Variants in SERPINI1 observed in about 807,000 individuals in gnomAD.
The protein encoded by SERPINI1 is neuroserpin.
A neutral mutation model predicts 41.1 loss-of-function variants in SERPINI1; 19 were observed. That is an observed-to-expected ratio of 0.46 (90% CI 0.32 to 0.68). SERPINI1 has a LOEUF of 0.68. Ranked by LOEUF, SERPINI1 falls within the 30% of genes least tolerant of loss-of-function variation. The pLI is 0.03. For missense variants in SERPINI1, 460 were observed against 479.2 expected (o/e 0.96, Z 0.37); for synonymous variants, 138 against 156.6 (o/e 0.88, Z 0.89).
intron 1 of SERPINI1, among the ~76,000 whole-genome samples, chr3:167,743,254 T>C (rs1032382): frequency 0.53 from 80,224 of 151,774 alleles, 22,917 homozygotes; most frequent in African/African-American, 0.74. Context: ...CCCTAGAAAA[T>C]GGTGTTATTA....
intron 1 of SERPINI1, among the ~76,000 whole-genome samples, chr3:167,737,075 T>A (rs1355399295): frequency 6.6e-6 from 1 of 152,146 alleles, no homozygotes; most frequent in Non-Finnish European, 1.5e-5. Context: ...TTTCTATGCT[T>A]TCCTGAGTTC....
Position 167,807,233 on chromosome 3 carries a change from G to A in SERPINI1, c.882-11G>A. The A allele has an allele frequency of 6.4e-7, 1 of 1,569,014 alleles. No individual in the cohort carries two copies. The highest frequency in any genetic ancestry group is 1.1e-5 in the South Asian group (1 of 90,106). Reference sequence around the variant, plus strand: ...TCTAACTAAATATTTTTCTCCCTATGTGTTCTCCAGGTTCACAGTGGAACA... The same window carrying A: ...TCTAACTAAATATTTTTCTCCCTATATGTTCTCCAGGTTCACAGTGGAACA... On this transcript the variant is annotated splice_polypyrimidine_tract_variant and intron_variant, in intron 5 of 8. Transcript: ENST00000446050.
intron 1 of SERPINI1, among the ~76,000 whole-genome samples, chr3:167,772,864 C>CTCTCTCTCTCTCTCTA (rs1374013676): frequency 1.1e-3 from 26 of 24,640 alleles, no homozygotes; most frequent in African/African-American, 1.5e-3. Context: ...CTCTCTCTCT[C>CTCTCTCTCTCTCTCTA]TATATATATA....
chr3:167,815,982 A>G (rs1040009604), intron 6 of SERPINI1, among the ~76,000 whole-genome samples: 7 of 152,026 alleles, frequency 4.6e-5, no homozygotes, highest in Admixed American at 4.6e-4. Flanking sequence ...GCTGTTGTCA[A>G]TTTTCTTGGA....
At chr3:167,803,353 G>A (rs575903105) in intron 5 of SERPINI1, among the ~76,000 whole-genome samples, 15 of 151,878 alleles carry the variant, frequency 9.9e-5, no homozygotes, top group African/African-American at 2.7e-4. Context: ...AGGTGGCAGG[G>A]ATTAATATAG....
chr3:167,786,525 AAAGACTTAAAG>A (rs1727318524), intron 1 of SERPINI1, among the ~76,000 whole-genome samples: 1 of 151,392 alleles, frequency 6.6e-6, no homozygotes, highest in Non-Finnish European at 1.5e-5. Flanking sequence ...AAAAAAAAAA[AAAGACTTAAAG>A]AAGATAAAAT....
At position 167,760,990 on chromosome 3, in the gene SERPINI1, A is replaced by G. The variant is rs557731815; in HGVS notation, c.-19+25167A>G. ...TTGAACAAGATTTAACACTAGTACA[A>G]CAGCTGTTCCTTAGAACAAATGAAC... On this transcript the variant is annotated intron_variant, in intron 1 of 8. Transcript: ENST00000446050. Among the ~76,000 whole-genome samples, 44 of 152,320 alleles carry G rather than the reference A, an allele frequency of 2.9e-4. 1 individual carries two copies. Among genetic ancestry groups the G allele is most frequent in the Admixed American group, 8.5e-4 (13 of 15,298 alleles).
intron 1 of SERPINI1, among the ~76,000 whole-genome samples, chr3:167,774,844 A>G (rs919517148): frequency 3.3e-5 from 5 of 152,148 alleles, no homozygotes; most frequent in African/African-American, 1.2e-4. Context: ...GTTGGGGGCC[A>G]CTGTTATAAA....
At chr3:167,737,031 C>T (rs1725481657) in intron 1 of SERPINI1, among the ~76,000 whole-genome samples, 2 of 151,764 alleles carry the variant, frequency 1.3e-5, no homozygotes, top group African/African-American at 4.8e-5. Context: ...TAACCAGGGT[C>T]AATAAAATGG....
chr3:167,796,326 A>G lies in SERPINI1; in HGVS notation c.881+1502A>G, dbSNP rs536854356. Among the ~76,000 whole-genome samples the G allele has an allele frequency of 9.8e-3, 1,481 of 151,830 alleles. 33 individuals carry two copies. Among genetic ancestry groups the G allele is most frequent in the African/African-American group, 0.034 (1,413 of 41,430 alleles). On this transcript the variant is annotated intron_variant, in intron 5 of 8. Transcript: ENST00000446050. ...ATATTCATAATATATAACTATAAAT[A>G]TATAGCCATATATTTTCTATTTTTT...
At position 167,790,403 on chromosome 3, in the gene SERPINI1, A is replaced by G; in HGVS notation, c.282A>G (p.Ser94=). 6.2e-7 allele frequency: 1 copy of G among 1,613,892 alleles called. No homozygotes were observed. Among genetic ancestry groups the G allele is most frequent in the Non-Finnish European group, 8.5e-7 (1 of 1,179,780 alleles). The part of the protein sequence containing the change: ...GEEFSFLKEF[S]NMVTAKESQY... Reference sequence around the variant, plus strand: ...AATTTTCTTTCTTGAAGGAGTTTTCAAACATGGTAACTGCTAAAGAGAGCC... The same window carrying G: ...AATTTTCTTTCTTGAAGGAGTTTTCGAACATGGTAACTGCTAAAGAGAGCC... Residue 94 remains serine (S), a synonymous_variant, in exon 3 of 9, where the codon TCA becomes TCG. Coordinates refer to ENST00000446050, the MANE Select transcript of SERPINI1 (RefSeq NM_001122752.2).
intron 1 of SERPINI1, among the ~76,000 whole-genome samples, chr3:167,744,364 G>A (rs1449165176): frequency 2.0e-5 from 3 of 151,450 alleles, no homozygotes; most frequent in African/African-American, 7.3e-5. Flanking sequence ...TATTTTGTAA[G>A]TGAACTATAA....
intron 1 of SERPINI1, among the ~76,000 whole-genome samples, chr3:167,786,507 C>CAAA (rs71176662): frequency 2.8e-4 from 21 of 75,098 alleles, no homozygotes; most frequent in African/African-American, 5.0e-4. Context: ...GACTCCGTCT[C>CAAA]AAAAAAAAAA....
intron 1 of SERPINI1, among the ~76,000 whole-genome samples, chr3:167,785,194 A>G (rs1727267081): frequency 6.6e-6 from 1 of 152,168 alleles, no homozygotes; most frequent in Admixed American, 6.5e-5. Context: ...CAGTGAGCTG[A>G]GATCTCACCA....
rs562363650 is a variant in SERPINI1 at position 167,744,131 on chromosome 3, A to G, written c.-19+8308A>G. Among the ~76,000 whole-genome samples, 3 of 152,248 alleles carry G rather than the reference A, an allele frequency of 2.0e-5. No individual in the cohort carries two copies. In the South Asian group the frequency reaches 6.2e-4, roughly 32 times the overall value. ...AAGAATGTCAGCTCTACAGTCAGAC[A>G]AAACTGAGTTCAAATTTTTGTTCCA... On this transcript the variant is annotated intron_variant, in intron 1 of 8. Transcript: ENST00000446050.
chr3:167,750,209 T>A (rs896633481), intron 1 of SERPINI1, among the ~76,000 whole-genome samples: 2 of 152,212 alleles, frequency 1.3e-5, no homozygotes, highest in Non-Finnish European at 2.9e-5. Context: ...CTTTTTTTTC[T>A]GGATGTCACT....
chr3:167,753,000 A>G lies in SERPINI1; in HGVS notation c.-19+17177A>G, dbSNP rs546084940. On this transcript the variant is annotated intron_variant, in intron 1 of 8. Coordinates refer to ENST00000446050, the MANE Select transcript of SERPINI1 (RefSeq NM_001122752.2). ...TTCATTGCACTTAACACAGTTTTCA[A>G]CTAGGTGCTTTAATGCATGTGTGTT... Among the ~76,000 whole-genome samples, 5 of 152,246 alleles carry G rather than the reference A, an allele frequency of 3.3e-5. No homozygotes were observed. The South Asian group carries it at 8.3e-4, about 25-fold the overall frequency.
At chr3:167,777,978 C>G (rs765533366) in intron 1 of SERPINI1, among the ~76,000 whole-genome samples, 2 of 152,200 alleles carry the variant, frequency 1.3e-5, no homozygotes, top group Non-Finnish European at 2.9e-5. Flanking sequence ...CTCATCTTCT[C>G]TTGCCTTTTT....
intron 1 of SERPINI1, among the ~76,000 whole-genome samples, chr3:167,759,317 A>G (rs1032333841): frequency 6.6e-6 from 1 of 151,262 alleles, no homozygotes; most frequent in African/African-American, 2.4e-5. Context: ...CACCTTACTC[A>G]TATGTTTATC....
Sources: allele counts gnomAD v4.1 joint callset (sites outside exome capture counted in the v4.1 genomes callset), GRCh38; gene constraint gnomAD v4.1.1; transcripts MANE v1.5; gene names NCBI Gene and HGNC (gene_info 2026-07-23, HGNC 2026-07-21).